The following DLGAP2 variants were observed in gnomAD, a reference collection of about 807,000 sequenced individuals.
DLGAP2 encodes the protein DLG associated protein 2.
A neutral mutation model predicts 100.3 loss-of-function variants in DLGAP2; 26 were observed. The observed-to-expected ratio is 0.26, with a 90% CI of 0.19 to 0.36. The LOEUF is 0.36. Among genes scored for constraint, DLGAP2 ranks in the 10% least tolerant of loss-of-function variants. The pLI is 1.00. For missense variants in DLGAP2, 1,858 were observed against 1,453.2 expected, an observed-to-expected ratio of 1.28 and a Z score of -4.53; for synonymous variants, 886 against 630.1, an observed-to-expected ratio of 1.41 and a Z score of -6.08.
chr8:1,026,068 G>C (rs558356901), intron 2 of DLGAP2, among the ~76,000 whole-genome samples: 2 of 152,298 alleles, frequency 1.3e-5, no homozygotes, highest in South Asian at 4.1e-4. Context: ...CATGCACTTC[G>C]TCCCGGCTTC....
chr8:1,465,475 C>T (rs1490808092), intron 3 of DLGAP2, among the ~76,000 whole-genome samples: 1 of 151,838 alleles, frequency 6.6e-6, no homozygotes, highest in African/African-American at 2.4e-5. Flanking sequence ...AGAGTGGCTC[C>T]CAGAACTCTG....
At chr8:1,003,034 G>C (rs1801005538) in intron 2 of DLGAP2, 1 of 152,320 alleles carries the variant, frequency 6.6e-6, no homozygotes, top group Non-Finnish European at 1.5e-5. Flanking sequence ...TGTGCAGCGT[G>C]GAACTCGGCG....
chr8:1,497,439 G>C (rs746213362), intron 3 of DLGAP2, among the ~76,000 whole-genome samples: 1 of 152,186 alleles, frequency 6.6e-6, no homozygotes. Flanking sequence ...TTGTATGACA[G>C]CAGCCAACGT....
chr8:903,318 G>A (rs565321865), intron 1 of DLGAP2, among the ~76,000 whole-genome samples: 1 of 152,074 alleles, frequency 6.6e-6, no homozygotes, highest in African/African-American at 2.4e-5. Flanking sequence ...CTGCCCACTG[G>A]TTCAAACATC....
chr8:1,243,092 T>C (rs1798833408), intron 2 of DLGAP2, among the ~76,000 whole-genome samples: 1 of 152,184 alleles, frequency 6.6e-6, no homozygotes, highest in South Asian at 2.1e-4. Flanking sequence ...ACTTTGTTTT[T>C]CCTGACTGCT....
At chr8:1,033,303 T>G (rs1233261314) in intron 2 of DLGAP2, among the ~76,000 whole-genome samples, 1 of 152,172 alleles carries the variant, frequency 6.6e-6, no homozygotes, top group Non-Finnish European at 1.5e-5. Context: ...TTGCTTCTCT[T>G]AGAAAACACA....
At chr8:808,197 C>A (rs748447829) in intron 1 of DLGAP2, among the ~76,000 whole-genome samples, 13 of 152,190 alleles carry the variant, frequency 8.5e-5, no homozygotes, top group Non-Finnish European at 1.5e-4. Flanking sequence ...TTCAGCATCA[C>A]ACAGGTTTGG....
At chr8:1,552,957 C>A (rs1332025397) in intron 5 of DLGAP2, among the ~76,000 whole-genome samples, 2 of 152,202 alleles carry the variant, frequency 1.3e-5, no homozygotes, top group Non-Finnish European at 2.9e-5. Context: ...CATCTAAGGT[C>A]AAACTTTTCA....
intron 2 of DLGAP2, among the ~76,000 whole-genome samples, chr8:1,131,558 C>T (rs1014254088): frequency 3.3e-5 from 5 of 152,190 alleles, no homozygotes; most frequent in South Asian, 2.1e-4. Context: ...CTCCTCTTAC[C>T]GTCCCACTGG....
At chr8:1,117,489 G>A (rs1276734128) in intron 2 of DLGAP2, among the ~76,000 whole-genome samples, 2 of 152,202 alleles carry the variant, frequency 1.3e-5, no homozygotes, top group African/African-American at 4.8e-5. Flanking sequence ...GACTGAGGGT[G>A]GGGTGGACGC....
chr8:987,661 G>A (rs1398679807), intron 2 of DLGAP2, among the ~76,000 whole-genome samples: 1 of 152,154 alleles, frequency 6.6e-6, no homozygotes, highest in South Asian at 2.1e-4. Flanking sequence ...GAATCCTGCT[G>A]TCTTCCCCTT....
At chr8:1,697,516 G>A (rs1235547461) in intron 14 of DLGAP2, among the ~76,000 whole-genome samples, 1 of 152,210 alleles carries the variant, frequency 6.6e-6, no homozygotes, top group East Asian at 1.9e-4. Context: ...CCTTGGGCAT[G>A]GGTGGTAAAT....
chr8:1,292,892 G>A (rs1044225845), intron 3 of DLGAP2, among the ~76,000 whole-genome samples: 3 of 152,102 alleles, frequency 2.0e-5, no homozygotes, highest in African/African-American at 4.8e-5. Flanking sequence ...CACCCCGTGC[G>A]TGGGTCAGGG....
intron 8 of DLGAP2, among the ~76,000 whole-genome samples, chr8:1,650,294 T>C (rs116896950): frequency 0.055 from 8,404 of 152,324 alleles, 298 homozygotes; most frequent in Middle Eastern, 0.18. Flanking sequence ...AGAAGCTCCA[T>C]ATACATGAAG....
At chr8:1,278,187 A>G (rs764095721) in intron 3 of DLGAP2, among the ~76,000 whole-genome samples, 5 of 152,194 alleles carry the variant, frequency 3.3e-5, no homozygotes, top group Non-Finnish European at 7.3e-5. Context: ...CTCCTCCACC[A>G]AAGAGCTGTA....
At chr8:1,443,986 T>A (rs1008995082) in intron 3 of DLGAP2, among the ~76,000 whole-genome samples, 1 of 152,190 alleles carries the variant, frequency 6.6e-6, no homozygotes, top group Non-Finnish European at 1.5e-5. Context: ...TCTAGGACTG[T>A]CAGAAGCATG....
intron 2 of DLGAP2, among the ~76,000 whole-genome samples, chr8:1,245,632 G>C (rs1264532921): frequency 6.6e-6 from 1 of 152,202 alleles, no homozygotes; most frequent in African/African-American, 2.4e-5. Context: ...TTTTTGGAGT[G>C]ACGAAATGTT....
intron 3 of DLGAP2, among the ~76,000 whole-genome samples, chr8:1,471,604 C>G (rs1476286619): frequency 6.6e-6 from 1 of 150,588 alleles, no homozygotes; most frequent in Non-Finnish European, 1.5e-5. Flanking sequence ...CCTCTCACCT[C>G]CTGCCCACAG....
intron 8 of DLGAP2, among the ~76,000 whole-genome samples, chr8:1,654,886 A>G (rs1243574431): frequency 6.6e-5 from 10 of 152,180 alleles, no homozygotes; most frequent in Non-Finnish European, 1.3e-4. Flanking sequence ...TGTACTTAGA[A>G]ACATGTGACT....
Sources: gnomAD v4.1 joint callset for allele counts (sites outside exome capture counted in the v4.1 genomes callset) on GRCh38, gnomAD v4.1.1 for gene constraint, MANE v1.5 for transcripts, NCBI Gene and HGNC (gene_info 2026-07-23, HGNC 2026-07-21) for gene names.